The following SIPA1L1 variants were observed in gnomAD, a reference collection of about 807,000 sequenced individuals.
SIPA1L1 encodes signal-induced proliferation-associated 1-like protein 1.
Under a neutral mutation model 162.7 loss-of-function variants are expected in SIPA1L1, and 26 were observed. That is an observed-to-expected ratio of 0.16 (90% confidence interval 0.12 to 0.22). The LOEUF is 0.22. SIPA1L1 is among the 10% of genes least tolerant of loss of function. The pLI is 1.00. For missense variants in SIPA1L1, 1,874 were observed against 2,241.0 expected (o/e 0.84, Z 3.31); for synonymous variants, 829 against 837.4 (o/e 0.99, Z 0.17).
intron 2 of SIPA1L1, among the ~76,000 whole-genome samples, chr14:71,329,009 A>G (rs1406027519): frequency 6.6e-6 from 1 of 152,202 alleles, no homozygotes; most frequent in Non-Finnish European, 1.5e-5. Context: ...GTAACCTCAT[A>G]TAAGTGGAAT....
intron 17 of SIPA1L1, among the ~76,000 whole-genome samples, chr14:71,719,875 G>A (rs1457747956): frequency 6.6e-6 from 1 of 152,154 alleles, no homozygotes. Flanking sequence ...CCCTCACCAA[G>A]TTTCCCGTGT....
chr14:71,381,465 A>C (rs1362895471), intron 2 of SIPA1L1, among the ~76,000 whole-genome samples: 2 of 152,184 alleles, frequency 1.3e-5, no homozygotes, highest in African/African-American at 4.8e-5. Flanking sequence ...GATTTTGCTA[A>C]TTTTGTGATA....
intron 5 of SIPA1L1, among the ~76,000 whole-genome samples, chr14:71,615,567 G>A (rs1379075097): frequency 6.6e-6 from 1 of 152,166 alleles, no homozygotes; most frequent in African/African-American, 2.4e-5. Flanking sequence ...TATGGCAGTG[G>A]GCCTGGCATG....
At chr14:71,455,837 T>G (rs779538170) in intron 2 of SIPA1L1, among the ~76,000 whole-genome samples, 6 of 152,184 alleles carry the variant, frequency 3.9e-5, no homozygotes, top group Non-Finnish European at 8.8e-5. Context: ...TTTTTCCAAG[T>G]ATTTATGATG....
chr14:71,476,930 C>T (rs932176784), intron 2 of SIPA1L1, among the ~76,000 whole-genome samples: 1 of 151,998 alleles, frequency 6.6e-6, no homozygotes, highest in Admixed American at 6.6e-5. Flanking sequence ...ACTTGTGTAA[C>T]TACCCCATAA....
intron 13 of SIPA1L1, among the ~76,000 whole-genome samples, chr14:71,697,697 T>C (rs899569009): frequency 5.9e-5 from 9 of 152,316 alleles, no homozygotes; most frequent in African/African-American, 1.9e-4. Context: ...ATTTGGGAGT[T>C]GTACCTTTTA....
At chr14:71,513,576 T>C (rs1179416387) in intron 3 of SIPA1L1, among the ~76,000 whole-genome samples, 1 of 152,258 alleles carries the variant, frequency 6.6e-6, no homozygotes, top group East Asian at 1.9e-4. Context: ...TAACCTCAAA[T>C]TCGTGGGCTT....
intron 7 of SIPA1L1, among the ~76,000 whole-genome samples, chr14:71,628,381 C>T (rs1040920512): frequency 2.0e-5 from 3 of 152,112 alleles, no homozygotes; most frequent in South Asian, 2.1e-4. Flanking sequence ...TGTGATAAAA[C>T]GTTGAAGAAA....
intron 2 of SIPA1L1, among the ~76,000 whole-genome samples, chr14:71,486,459 C>G (rs2048764646): frequency 6.6e-6 from 1 of 152,336 alleles, no homozygotes; most frequent in East Asian, 1.9e-4. Context: ...AATCTCTACT[C>G]ATTGACTTCT....
intron 2 of SIPA1L1, among the ~76,000 whole-genome samples, chr14:71,441,440 C>T (rs1480330212): frequency 1.3e-5 from 2 of 152,158 alleles, no homozygotes; most frequent in Non-Finnish European, 1.5e-5. Flanking sequence ...TTGGGTTGAA[C>T]CTTTAGCCAT....
intron 5 of SIPA1L1, among the ~76,000 whole-genome samples, chr14:71,597,233 C>A (rs1413291142): frequency 6.6e-6 from 1 of 152,122 alleles, no homozygotes. Flanking sequence ...CCTCCCACCT[C>A]AGCCTCCCAA....
intron 17 of SIPA1L1, among the ~76,000 whole-genome samples, chr14:71,709,886 C>A (rs1015594205): frequency 1.3e-5 from 2 of 152,152 alleles, no homozygotes; most frequent in African/African-American, 4.8e-5. Flanking sequence ...CAGATTTATT[C>A]TTTTTAAAGT....
chr14:71,529,065 T>G (rs904077313), intron 3 of SIPA1L1, among the ~76,000 whole-genome samples: 5 of 151,358 alleles, frequency 3.3e-5, no homozygotes, highest in Non-Finnish European at 7.4e-5. Context: ...TGAGCCAAGA[T>G]CGCACCATTG....
chr14:71,664,792 C>T (rs61994380), intron 10 of SIPA1L1, among the ~76,000 whole-genome samples: 3,440 of 152,162 alleles, frequency 0.023, 49 homozygotes, highest in Non-Finnish European at 0.033. Flanking sequence ...GAGAAGTTTC[C>T]TTGAAAGAGT....
intron 7 of SIPA1L1, among the ~76,000 whole-genome samples, chr14:71,639,541 G>A (rs372007634): frequency 2.4e-4 from 36 of 152,074 alleles, no homozygotes; most frequent in East Asian, 1.2e-3. Flanking sequence ...TCAAAATTCC[G>A]CCAAGGTTTT....
intron 4 of SIPA1L1, among the ~76,000 whole-genome samples, chr14:71,541,591 A>G (rs1232751930): frequency 2.0e-5 from 3 of 152,126 alleles, no homozygotes; most frequent in Non-Finnish European, 4.4e-5. Flanking sequence ...GTGAGACCCT[A>G]TCGCTACATA....
intron 9 of SIPA1L1, 102 bp downstream of exon 9, chr14:71,658,538 A>T: frequency 1.3e-6 from 1 of 764,684 alleles, no homozygotes. Flanking sequence ...TTAGTGTTGC[A>T]CCTGTCACAG....
intron 2 of SIPA1L1, among the ~76,000 whole-genome samples, chr14:71,456,189 A>T (rs117004571): frequency 9.8e-4 from 149 of 152,374 alleles, no homozygotes; most frequent in Non-Finnish European, 1.8e-3. Context: ...TGTGTGGTAT[A>T]ACTGCAAGAG....
At chr14:71,391,701 G>C (rs181583428) in intron 2 of SIPA1L1, among the ~76,000 whole-genome samples, 1 of 152,106 alleles carries the variant, frequency 6.6e-6, no homozygotes, top group African/African-American at 2.4e-5. Context: ...TCTTTTTGTC[G>C]TCTTCTGACC....
Sources: gnomAD v4.1 joint callset for allele counts (sites outside exome capture counted in the v4.1 genomes callset) on GRCh38, gnomAD v4.1.1 for gene constraint, MANE v1.5 for transcripts, NCBI Gene and HGNC (gene_info 2026-07-23, HGNC 2026-07-21) for gene names.